Variants in COL22A1 observed in about 807,000 individuals in gnomAD.
COL22A1 encodes the protein collagen alpha-1(XXII) chain.
COL22A1 carries 221 observed loss-of-function variants against 248.9 expected under a neutral mutation model. The ratio of observed to expected loss-of-function variants is 0.89; its 90% CI spans 0.80 to 0.99. The LOEUF (loss-of-function observed/expected upper bound fraction) is 0.99. Ranked by LOEUF, COL22A1 falls within the 50% of genes least tolerant of loss-of-function variation. COL22A1 has a pLI of 0.00. For missense variants in COL22A1, 2,240 were observed against 2,179.0 expected, an observed-to-expected ratio of 1.03 and a Z score of -0.56; for synonymous variants, 891 against 793.4, an observed-to-expected ratio of 1.12 and a Z score of -2.07.
intron 60 of COL22A1, among the ~76,000 whole-genome samples, chr8:138,601,587 G>A (rs894401544): frequency 6.6e-6 from 1 of 152,020 alleles, no homozygotes; most frequent in Admixed American, 6.5e-5. Context: ...CCTTCCACAG[G>A]CTCTTCAGAA....
Position 138,720,750 on chromosome 8 carries a change from G to C in COL22A1, c.2344C>G (p.Pro782Ala). 1 of 1,613,926 alleles carries C rather than the reference G, an allele frequency of 6.2e-7. No homozygotes were observed. The highest frequency in any genetic ancestry group is 8.5e-7 in the Non-Finnish European group (1 of 1,179,790). ...ERGEDGLPGK[P>A]GLRGEIGEQG... ...GGCAAAGTCCATACCCGAAGGCCTG[G>C]TTTTCCAGGCAGACCATCTTCCCCT... The change falls in exon 27 of 65, where the codon CCA becomes GCA. Residue 782 changes from proline to alanine, a missense_variant. By Grantham distance (27) the Pro-to-Ala change is conservative. Transcript: ENST00000303045.
At chr8:138,869,073 G>T (rs1466979907) in intron 3 of COL22A1, among the ~76,000 whole-genome samples, 2 of 152,152 alleles carry the variant, frequency 1.3e-5, no homozygotes, top group Non-Finnish European at 2.9e-5. Flanking sequence ...GAAGAGAAAG[G>T]TTACATAACT....
At chr8:138,730,946 G>C (rs2131211773) in intron 23 of COL22A1, among the ~76,000 whole-genome samples, 1 of 152,166 alleles carries the variant, frequency 6.6e-6, no homozygotes, top group African/African-American at 2.4e-5. Context: ...TTGTCTTCGA[G>C]GGAGCACAAA....
chr8:138,597,696 A>G (rs2131811700), intron 61 of COL22A1, among the ~76,000 whole-genome samples: 1 of 152,302 alleles, frequency 6.6e-6, no homozygotes, highest in Non-Finnish European at 1.5e-5. Context: ...TCATCTCTGT[A>G]GCCCCATACC....
Position 138,755,815 on chromosome 8 carries a change from A to G in COL22A1, c.1917T>C (p.Pro639=). ...GPQGEKGDVG[P]AGPPGVPGSV... ...AGCCTGGTACACCAGGTGGCCCCGC[A>G]GGTCCCACGTCACCCTGCACAGAAA... Residue 639 remains proline (P), a synonymous_variant, in exon 19 of 65, where the codon CCT becomes CCC. Transcript: ENST00000303045. 2 of 1,614,124 alleles carry G rather than the reference A, an allele frequency of 1.2e-6. No individual in the cohort carries two copies. The highest frequency in any genetic ancestry group is 1.7e-6 in the Non-Finnish European group (2 of 1,179,974).
chr8:138,631,545 T>G (rs1338549165), intron 49 of COL22A1, among the ~76,000 whole-genome samples: 1 of 152,180 alleles, frequency 6.6e-6, no homozygotes, highest in African/African-American at 2.4e-5. Flanking sequence ...CTGTGTCAAC[T>G]CAAGGGTGAA....
chr8:138,747,109 TA>T (rs1353601107), intron 22 of COL22A1, among the ~76,000 whole-genome samples: 1 of 152,228 alleles, frequency 6.6e-6, no homozygotes, highest in Non-Finnish European at 1.5e-5. Flanking sequence ...CTGTGTCTCT[TA>T]AAATTCCTTC....
chr8:138,779,027 A>G (rs373244803), intron 14 of COL22A1, among the ~76,000 whole-genome samples: 7 of 152,256 alleles, frequency 4.6e-5, no homozygotes, highest in African/African-American at 1.7e-4. Flanking sequence ...CTGCAATAAA[A>G]ATATAGTAGA....
chr8:138,703,467 G>C (rs1828135134), intron 30 of COL22A1, 120 bp from the exon 31 acceptor site: 2 of 818,500 alleles, frequency 2.4e-6, no homozygotes, highest in African/African-American at 3.4e-5. Context: ...TCTGCAGGGT[G>C]CAGGTAGGTG....
rs1286369441 is a variant in COL22A1, at chr8:138,811,852, C to T, written c.1396G>A (p.Glu466Lys). 8 of 1,599,512 alleles carry T rather than the reference C, an allele frequency of 5.0e-6. No individual in the cohort carries two copies. The highest frequency in any genetic ancestry group is 6.8e-6 in the Non-Finnish European group (8 of 1,170,226). ...ATGGTCTTCAAAAACCCAATCTGTTCACTGCCTGGGGTGGGAGGCCGCTGG... is the reference window on the plus strand; with the variant it reads ...ATGGTCTTCAAAAACCCAATCTGTTTACTGCCTGGGGTGGGAGGCCGCTGG... ...PPQRPPTPGS[E>K]QIGFLKTINC... is the part of the protein sequence containing the mutation. The change falls in exon 9 of 65, where the codon GAA (glutamate) becomes AAA (lysine). Residue 466 changes from glutamate (E) to lysine (K), a missense_variant. By Grantham distance (56) the Glu-to-Lys change is moderately conservative. Coordinates refer to ENST00000303045, the MANE Select transcript of COL22A1 (RefSeq NM_152888.3).
At chr8:138,598,326 A>G (rs938109464) in intron 61 of COL22A1, among the ~76,000 whole-genome samples, 12 of 152,318 alleles carry the variant, frequency 7.9e-5, no homozygotes, top group Admixed American at 2.6e-4. Context: ...ACCATCCCAC[A>G]GTGAAGTTCA....
chr8:138,668,773 C>G (rs1466220049), intron 41 of COL22A1, among the ~76,000 whole-genome samples: 1 of 152,208 alleles, frequency 6.6e-6, no homozygotes, highest in East Asian at 1.9e-4. Flanking sequence ...TTATGTGAAG[C>G]ACTCCAGGTG....
intron 16 of COL22A1, among the ~76,000 whole-genome samples, chr8:138,767,466 C>T (rs570286491): frequency 1.3e-5 from 2 of 152,062 alleles, no homozygotes; most frequent in East Asian, 3.9e-4. Context: ...CTCCAGTTCC[C>T]CACCAGGATA....
chr8:138,696,826 T>C (rs897984740), intron 32 of COL22A1, among the ~76,000 whole-genome samples: 2 of 152,228 alleles, frequency 1.3e-5, no homozygotes, highest in Admixed American at 1.3e-4. Context: ...GAAGGAGACA[T>C]GTCTAGCCCC....
chr8:138,809,967 A>C (rs1818066177), intron 9 of COL22A1, among the ~76,000 whole-genome samples: 1 of 152,244 alleles, frequency 6.6e-6, no homozygotes, highest in Non-Finnish European at 1.5e-5. Flanking sequence ...GCTATCCAGA[A>C]CTTATGATTT....
Position 138,807,810 on chromosome 8 carries a change from AC to A in COL22A1, c.1451del (p.Gly484ValfsTer18). On this transcript the variant is annotated frameshift_variant and splice_region_variant, in exon 10 of 65. Coordinates refer to ENST00000303045, the MANE Select transcript of COL22A1 (RefSeq NM_152888.3). LOFTEE classifies it high-confidence loss of function. ...CCATGGGGCCAGCAACTCCCATTTC[AC>A]CCTAAAAGAAGAAAGACAACAAAAA... ...INCSCPAGEK[G>X]EMGVAGPMGL... 1 of 1,613,780 alleles carries A rather than the reference AC, an allele frequency of 6.2e-7. No individual in the cohort carries two copies. The highest frequency in any genetic ancestry group is 8.5e-7 in the Non-Finnish European group (1 of 1,179,840).
chr8:138,852,649 G>A (rs528296257), intron 3 of COL22A1, among the ~76,000 whole-genome samples: 2 of 152,288 alleles, frequency 1.3e-5, no homozygotes, highest in Admixed American at 6.5e-5. Flanking sequence ...TGAGAGAGAG[G>A]AGAGATGTCT....
At chr8:138,874,327 G>A (rs1377447218) in intron 3 of COL22A1, among the ~76,000 whole-genome samples, 1 of 152,174 alleles carries the variant, frequency 6.6e-6, no homozygotes, top group Non-Finnish European at 1.5e-5. Flanking sequence ...GCGGACGTGT[G>A]TTCTGGGCTG....
chr8:138,664,747 G>A (rs575887533), intron 41 of COL22A1, among the ~76,000 whole-genome samples: 1 of 152,292 alleles, frequency 6.6e-6, no homozygotes, highest in East Asian at 1.9e-4. Flanking sequence ...CAAGAACATA[G>A]CCGACTAGAG....
Sources: gnomAD v4.1 joint callset for allele counts (sites outside exome capture counted in the v4.1 genomes callset) on GRCh38, gnomAD v4.1.1 for gene constraint, MANE v1.5 for transcripts, NCBI Gene and HGNC (gene_info 2026-07-23, HGNC 2026-07-21) for gene names.